LPP: variants seen among roughly 807,000 people sequenced by gnomAD.
LPP encodes the protein lipoma-preferred partner.
In LPP, 38 loss-of-function variants were observed where a neutral mutation model predicts 60.4. The observed-to-expected ratio is 0.63, with a 90% CI of 0.49 to 0.83. LPP has a LOEUF of 0.83. LPP is among the 40% of genes least tolerant of loss of function. The probability of loss-of-function intolerance (pLI) is 0.00; values close to 1 mark genes in which losing one functional copy is unlikely to be tolerated. For synonymous variants in LPP, 328 were observed against 290.8 expected, an observed-to-expected ratio of 1.13 and a Z score of -1.30; for missense variants, 902 against 783.6, an observed-to-expected ratio of 1.15 and a Z score of -1.80.
chr3:188,376,484 G>T (rs1021260323), intron 3 of LPP, among the ~76,000 whole-genome samples: 44 of 152,064 alleles, frequency 2.9e-4, no homozygotes, highest in East Asian at 5.8e-4. Flanking sequence ...TCTTTTGATC[G>T]TTGTTGGTTT....
chr3:188,300,781 A>T (rs796188921), intron 2 of LPP, among the ~76,000 whole-genome samples: 1 of 152,310 alleles, frequency 6.6e-6, no homozygotes, highest in South Asian at 2.1e-4. Context: ...GATACAATAG[A>T]TTTGTTTTGC....
At chr3:188,676,995 G>A (rs936512995) in intron 7 of LPP, among the ~76,000 whole-genome samples, 15 of 147,596 alleles carry the variant, frequency 1.0e-4, no homozygotes, top group African/African-American at 3.8e-4. Flanking sequence ...AAGAGTGAGG[G>A]CACCTAGTAG....
intron 7 of LPP, among the ~76,000 whole-genome samples, chr3:188,665,261 C>A (rs1024889538): frequency 6.6e-6 from 1 of 151,870 alleles, no homozygotes; most frequent in Non-Finnish European, 1.5e-5. Flanking sequence ...CCCCGTAATA[C>A]CCAAAATATC....
chr3:188,596,616 GA>G lies in LPP; in HGVS notation c.430-12535del, dbSNP rs528845355. On this transcript the variant is annotated intron_variant, in intron 6 of 11. Transcript: ENST00000617246. ...AAATGAGAGTGTTTTCTGCAAAGAG[GA>G]AAAAAAAAACTGAGCAAACATCTAG... Among the ~76,000 whole-genome samples, 300 of 148,308 alleles carry G rather than the reference GA, an allele frequency of 2.0e-3. 3 individuals are homozygous for G. The highest frequency in any genetic ancestry group is 2.8e-3 in the Non-Finnish European group (190 of 66,840).
chr3:188,167,219 C>T (rs763469284), intron 1 of LPP, among the ~76,000 whole-genome samples: 1 of 152,152 alleles, frequency 6.6e-6, no homozygotes, highest in Non-Finnish European at 1.5e-5. Context: ...CCATGTTGGC[C>T]GGGCACGGTG....
At chr3:188,165,062 C>T (rs943857407) in intron 1 of LPP, among the ~76,000 whole-genome samples, 2 of 151,670 alleles carry the variant, frequency 1.3e-5, no homozygotes, top group South Asian at 2.1e-4. Context: ...ACTTGAGGCC[C>T]GGAGTTCAAG....
intron 1 of LPP, among the ~76,000 whole-genome samples, chr3:188,194,125 C>T (rs372408475): frequency 2.6e-5 from 4 of 152,154 alleles, no homozygotes; most frequent in African/African-American, 9.7e-5. Flanking sequence ...TGGTGAGTGG[C>T]CCTCATTCCT....
At chr3:188,508,673 G>A (rs556389277) in intron 5 of LPP, among the ~76,000 whole-genome samples, 14 of 152,322 alleles carry the variant, frequency 9.2e-5, no homozygotes, top group African/African-American at 3.4e-4. Context: ...CGACAGATGA[G>A]GAGAAGTGAA....
intron 1 of LPP, among the ~76,000 whole-genome samples, chr3:188,170,617 C>T (rs1267985422): frequency 6.6e-6 from 1 of 151,926 alleles, no homozygotes; most frequent in Non-Finnish European, 1.5e-5. Flanking sequence ...AGGTGTGAGC[C>T]ACCATGCCCA....
At chr3:188,683,399 A>G (rs987240635) in intron 7 of LPP, among the ~76,000 whole-genome samples, 1 of 152,148 alleles carries the variant, frequency 6.6e-6, no homozygotes, top group Non-Finnish European at 1.5e-5. Flanking sequence ...CTTTTAAGGA[A>G]GTACTGATTT....
chr3:188,434,018 G>T (rs957074559), intron 4 of LPP, among the ~76,000 whole-genome samples: 9 of 152,132 alleles, frequency 5.9e-5, no homozygotes, highest in Non-Finnish European at 1.3e-4. Context: ...GTTTCTCATG[G>T]TTTCCAGTTG....
intron 7 of LPP, among the ~76,000 whole-genome samples, chr3:188,679,388 G>A (rs1858892925): frequency 6.6e-6 from 1 of 151,934 alleles, no homozygotes; most frequent in Non-Finnish European, 1.5e-5. Context: ...CTCAATTTAT[G>A]ACTCTGTCCT....
intron 3 of LPP, among the ~76,000 whole-genome samples, chr3:188,381,333 C>T (rs553016343): frequency 1.4e-4 from 22 of 152,226 alleles, no homozygotes; most frequent in African/African-American, 4.8e-4. Context: ...TCCTCTTCTG[C>T]TCTCCTTTCT....
chr3:188,414,813 T>C (rs1310029921), intron 4 of LPP, among the ~76,000 whole-genome samples: 1 of 152,126 alleles, frequency 6.6e-6, no homozygotes, highest in Non-Finnish European at 1.5e-5. Context: ...GCTTGTTCAG[T>C]ATTGCAGATT....
chr3:188,770,168 CTTTTTT>C (rs57278260), intron 9 of LPP, among the ~76,000 whole-genome samples: 5 of 64,598 alleles, frequency 7.7e-5, no homozygotes, highest in South Asian at 5.6e-4. Flanking sequence ...AGTTATAATT[CTTTTTT>C]TTTTTTTTTT....
At chr3:188,343,134 C>A (rs1474559316) in intron 3 of LPP, among the ~76,000 whole-genome samples, 1 of 152,048 alleles carries the variant, frequency 6.6e-6, no homozygotes, top group Non-Finnish European at 1.5e-5. Context: ...AGGTTTTAAG[C>A]ACCGCATGCA....
rs754979367 is a variant in LPP at position 188,653,271 on chromosome 3, T to C, written c.1113+43427T>C. ...AGGGGGCATCACAGGACTTCCCTCATTGAGCTGTTGTAAGGATTAAATGAG... is the reference window on the plus strand; with the variant it reads ...AGGGGGCATCACAGGACTTCCCTCACTGAGCTGTTGTAAGGATTAAATGAG... On this transcript the variant is annotated intron_variant, in intron 7 of 11. Transcript: ENST00000617246. Among the ~76,000 whole-genome samples the C allele has an allele frequency of 3.0e-4, 46 of 152,220 alleles. 1 individual carries two copies. The highest frequency in any genetic ancestry group is 5.7e-4 in the Non-Finnish European group (39 of 68,044).
At chr3:188,298,012 C>A (rs1175339891) in intron 2 of LPP, among the ~76,000 whole-genome samples, 1 of 152,186 alleles carries the variant, frequency 6.6e-6, no homozygotes, top group Non-Finnish European at 1.5e-5. Context: ...AAGTAATTTA[C>A]AGAGAATGTG....
intron 7 of LPP, among the ~76,000 whole-genome samples, chr3:188,705,956 C>T (rs955725938): frequency 2.6e-5 from 4 of 152,024 alleles, no homozygotes; most frequent in Admixed American, 1.3e-4. Flanking sequence ...TGTTTCTTAC[C>T]CCCACTAGAC....
Sources: allele counts gnomAD v4.1 joint callset (sites outside exome capture counted in the v4.1 genomes callset), GRCh38; gene constraint gnomAD v4.1.1; transcripts MANE v1.5; gene names NCBI Gene and HGNC (gene_info 2026-07-23, HGNC 2026-07-21).